Variants in HERC4 observed in about 807,000 individuals in gnomAD.
The protein encoded by HERC4 is HECT and RLD domain containing E3 ubiquitin protein ligase 4, also known as probable E3 ubiquitin-protein ligase HERC4.
HERC4 carries 28 observed loss-of-function variants against 124.3 expected under a neutral mutation model. The ratio of observed to expected loss-of-function variants is 0.23; its 90% CI spans 0.17 to 0.31. The LOEUF is 0.31. Among genes scored for constraint, HERC4 ranks in the 10% least tolerant of loss-of-function variants. The pLI is 1.00. For missense variants in HERC4, 713 were observed against 1,229.3 expected (o/e 0.58, Z 6.28); for synonymous variants, 407 against 421.5 (o/e 0.97, Z 0.42).
chr10:67,974,537 C>G (rs1474753707), intron 15 of HERC4, among the ~76,000 whole-genome samples: 3 of 152,166 alleles, frequency 2.0e-5, no homozygotes, highest in Admixed American at 2.0e-4. Flanking sequence ...GGTGTCCAAA[C>G]AGGTGCTCAA....
At chr10:68,048,979 TGAAGA>T (rs1564593046) in intron 3 of HERC4, among the ~76,000 whole-genome samples, 1 of 152,148 alleles carries the variant, frequency 6.6e-6, no homozygotes, top group Non-Finnish European at 1.5e-5. Flanking sequence ...ACAACCTCTA[TGAAGA>T]GAAATGTGGC....
chr10:67,971,672 G>A (rs1030689941), intron 15 of HERC4, among the ~76,000 whole-genome samples: 11 of 71,388 alleles, frequency 1.5e-4, no homozygotes, highest in South Asian at 9.9e-4. Flanking sequence ...ACCCCCCACC[G>A]ACATTTAACA....
rs148652994 is a variant in HERC4, at chr10:67,928,831, G to T, written c.2839-3644C>A. Among the ~76,000 whole-genome samples the T allele has an allele frequency of 0.01, 1,524 of 152,156 alleles. 80 individuals are homozygous for T. In the East Asian group the frequency reaches 0.16, roughly 16 times the overall value. On this transcript the variant is annotated intron_variant, in intron 23 of 24. Coordinates refer to ENST00000373700, the MANE Select transcript of HERC4 (RefSeq NM_015601.4). ...AGCTACTCGGGAGGCTGAGGCAGAAGAATCGCTTGAACTTGGGAGGCGGAG... is the reference window on the plus strand; with the variant it reads ...AGCTACTCGGGAGGCTGAGGCAGAATAATCGCTTGAACTTGGGAGGCGGAG...
intron 16 of HERC4, among the ~76,000 whole-genome samples, 187 bp from the exon 17 acceptor site, chr10:67,957,163 C>T (rs544967826): frequency 1.3e-5 from 2 of 152,294 alleles, no homozygotes; most frequent in African/African-American, 4.8e-5. Flanking sequence ...GAACCCAATT[C>T]CCAATTTTAG....
chr10:67,987,166 T>A (rs2036309677), intron 15 of HERC4, among the ~76,000 whole-genome samples: 1 of 152,204 alleles, frequency 6.6e-6, no homozygotes, highest in Admixed American at 6.5e-5. Flanking sequence ...GATGAAACTC[T>A]ATCAAGTTCT....
intron 19 of HERC4, among the ~76,000 whole-genome samples, chr10:67,941,750 C>T (rs1008782019): frequency 8.7e-5 from 12 of 137,342 alleles, no homozygotes; most frequent in African/African-American, 1.9e-4. Flanking sequence ...GTGATCTCTG[C>T]TCACTGCAAC....
At chr10:67,981,628 T>C (rs996417101) in intron 15 of HERC4, among the ~76,000 whole-genome samples, 3 of 152,358 alleles carry the variant, frequency 2.0e-5, no homozygotes, top group East Asian at 3.9e-4. Context: ...ACACACCATA[T>C]GTTATGTCAT....
At chr10:68,033,471 A>C (rs1314830235) in intron 6 of HERC4, among the ~76,000 whole-genome samples, 1 of 152,204 alleles carries the variant, frequency 6.6e-6, no homozygotes, top group Non-Finnish European at 1.5e-5. Flanking sequence ...GTAATCATGA[A>C]AAATAAGTTC....
chr10:67,980,962 A>G (rs1054030676), intron 15 of HERC4, among the ~76,000 whole-genome samples: 2 of 152,242 alleles, frequency 1.3e-5, no homozygotes, highest in African/African-American at 4.8e-5. Context: ...CACCTTCACT[A>G]AAAACAAAAC....
rs573648929 is a variant in HERC4 at position 68,056,254 on chromosome 10, C to T, written c.227-11691G>A. 4.6e-5 allele frequency among the ~76,000 whole-genome samples: 7 copies of T among 152,202 alleles called. No individual in the cohort carries two copies. The East Asian group carries it at 7.7e-4, about 17-fold the overall frequency. On this transcript the variant is annotated intron_variant, in intron 3 of 24. Transcript: ENST00000373700. ...GTAGAGTTTTAAATTTTAAATTTTT[C>T]GCTCTAATGTAGCTGATGGTGATCA... is the stretch of plus-strand genomic sequence containing the variant.
intron 3 of HERC4, chr10:68,068,998 G>A (rs2041439527): frequency 2.1e-6 from 2 of 962,158 alleles, no homozygotes; most frequent in African/African-American, 3.5e-5. Context: ...TTAGATAACA[G>A]GGCTTGTTTT....
rs150487516 is a variant in HERC4 at position 67,936,895 on chromosome 10, G to A, written c.2572-660C>T. 1.8e-4 allele frequency among the ~76,000 whole-genome samples: 27 copies of A among 152,092 alleles called. 1 individual carries two copies. The highest frequency in any genetic ancestry group is 6.3e-4 in the African/African-American group (26 of 41,478). On this transcript the variant is annotated intron_variant, in intron 21 of 24. Coordinates refer to ENST00000373700, the MANE Select transcript of HERC4 (RefSeq NM_015601.4). ...TGTTAGATGAGTATATTCCTGCTGT[G>A]ATGTTTACTATCTAGTAAAGGAAGA... is the stretch of plus-strand genomic sequence containing the variant.
At chr10:67,929,060 TTTTA>T (rs1320756444) in intron 23 of HERC4, among the ~76,000 whole-genome samples, 3 of 152,236 alleles carry the variant, frequency 2.0e-5, no homozygotes, top group Admixed American at 2.0e-4. Flanking sequence ...TTCATTGCAT[TTTTA>T]TTTTTTGGTA....
intron 8 of HERC4, among the ~76,000 whole-genome samples, chr10:68,015,459 A>T (rs926004088): frequency 6.6e-6 from 1 of 152,216 alleles, no homozygotes; most frequent in Non-Finnish European, 1.5e-5. Flanking sequence ...TAAGCTAACT[A>T]ATACATTACC....
intron 5 of HERC4, among the ~76,000 whole-genome samples, chr10:68,034,696 A>G (rs1428423953): frequency 6.6e-6 from 1 of 152,148 alleles, no homozygotes; most frequent in African/African-American, 2.4e-5. Context: ...CCCAGACTGA[A>G]TTCATGACCC....
intron 7 of HERC4, among the ~76,000 whole-genome samples, chr10:68,029,387 G>A (rs1487609408): frequency 6.6e-6 from 1 of 152,032 alleles, no homozygotes. Flanking sequence ...AGGTACTCAG[G>A]AGGCTGAGGC....
intron 9 of HERC4, chr10:67,993,347 A>C (rs1348464960): frequency 6.7e-6 from 1 of 150,262 alleles, no homozygotes; most frequent in Non-Finnish European, 1.5e-5. Context: ...TCCACCTCAA[A>C]AAAAAAAAAA....
At chr10:68,038,334 G>A (rs2039583978) in intron 4 of HERC4, 165 bp from the exon 5 acceptor site, 3 of 385,598 alleles carry the variant, frequency 7.8e-6, no homozygotes, top group Non-Finnish European at 9.2e-6. Context: ...GCTAAAATCA[G>A]TAAACAAGAG....
At chr10:68,028,934 G>A (rs1324166186) in intron 7 of HERC4, among the ~76,000 whole-genome samples, 4 of 152,086 alleles carry the variant, frequency 2.6e-5, no homozygotes, top group African/African-American at 4.8e-5. Context: ...ATTTTGGGGG[G>A]CTGAGGTGGG....
Sources: allele counts gnomAD v4.1 joint callset (sites outside exome capture counted in the v4.1 genomes callset), GRCh38; gene constraint gnomAD v4.1.1; transcripts MANE v1.5; gene names NCBI Gene and HGNC (gene_info 2026-07-23, HGNC 2026-07-21).